The following PTP4A3 variants were observed in gnomAD, a reference collection of about 807,000 sequenced individuals.
The protein encoded by PTP4A3 is protein tyrosine phosphatase type IVA 3.
Under a neutral mutation model 15.2 loss-of-function variants are expected in PTP4A3, and 9 were observed. That is an observed-to-expected ratio of 0.59 (90% CI 0.36 to 1.03). PTP4A3 has a LOEUF of 1.03. Among genes scored for constraint, PTP4A3 ranks in the 50% least tolerant of loss-of-function variants. The pLI, the probability that PTP4A3 is intolerant of heterozygous loss-of-function variation, is 0.02. For synonymous variants in PTP4A3, 95 were observed against 102.0 expected (o/e 0.93, Z 0.41); for missense variants, 234 against 252.1 (o/e 0.93, Z 0.49).
intron 5 of PTP4A3, 57 bp downstream of exon 5, chr8:141,427,881 T>G: frequency 1.4e-6 from 2 of 1,480,520 alleles, no homozygotes; most frequent in Non-Finnish European, 1.8e-6. Context: ...GAGATCCGGC[T>G]GCCCACGAAG....
At chr8:141,427,975 G>A (rs1833664703) in intron 5 of PTP4A3, 151 bp downstream of exon 5, 2 of 798,768 alleles carry the variant, frequency 2.5e-6, no homozygotes, top group Non-Finnish European at 3.9e-6. Context: ...AAACGGGGAA[G>A]CCTGAGGTGT....
At chr8:141,392,619 C>T (rs1169703773) in intron 1 of PTP4A3, 1 of 151,196 alleles carries the variant, frequency 6.6e-6, no homozygotes, top group Non-Finnish European at 1.5e-5. Flanking sequence ...AGTGTTGGGA[C>T]TCGGGCGGCG....
intron 1 of PTP4A3, among the ~76,000 whole-genome samples, chr8:141,399,318 CTCCCCGTCCTGGG>C (rs1381976514): frequency 6.6e-6 from 1 of 152,252 alleles, no homozygotes; most frequent in East Asian, 1.9e-4. Context: ...CTCCTTTAAT[CTCCCCGTCCTGGG>C]TCAGCCGCAG....
chr8:141,418,613 C>A (rs1475496420), intron 1 of PTP4A3, among the ~76,000 whole-genome samples: 3 of 152,160 alleles, frequency 2.0e-5, no homozygotes, highest in East Asian at 3.9e-4. Context: ...GGGAAGGGTT[C>A]TGCAGGGCTT....
rs371449328 is a variant in PTP4A3, at chr8:141,398,924, T to C, written c.-854+6840T>C. Among the ~76,000 whole-genome samples the C allele has an allele frequency of 8.5e-5, 13 of 152,190 alleles. No homozygotes were observed. The East Asian group carries it at 2.1e-3, about 25-fold the overall frequency. ...GCCACGGAGACCTCGAAGCCAGGCC[T>C]GGCCCAGCTAGAGGAGGTGACGGGT... On this transcript the variant is annotated intron_variant, in intron 1 of 5. Transcript: ENST00000521578.
chr8:141,415,946 T>C (rs1833034746), intron 1 of PTP4A3, among the ~76,000 whole-genome samples: 1 of 151,890 alleles, frequency 6.6e-6, no homozygotes, highest in Admixed American at 6.5e-5. Context: ...ATGGGCGGAC[T>C]TGGGCCCGCT....
chr8:141,402,660 T>C (rs918129080), intron 1 of PTP4A3, among the ~76,000 whole-genome samples: 5 of 151,960 alleles, frequency 3.3e-5, no homozygotes, highest in Non-Finnish European at 5.9e-5. Context: ...GGATTGGCCC[T>C]TCCGCCTCTG....
intron 1 of PTP4A3, among the ~76,000 whole-genome samples, chr8:141,400,110 G>A (rs1459822789): frequency 6.6e-6 from 1 of 152,172 alleles, no homozygotes; most frequent in Non-Finnish European, 1.5e-5. Flanking sequence ...TGTTAGCCGG[G>A]CTGCTTCTCC....
At chr8:141,414,218 G>A (rs1290815323) in intron 1 of PTP4A3, among the ~76,000 whole-genome samples, 1 of 152,214 alleles carries the variant, frequency 6.6e-6, no homozygotes, top group Non-Finnish European at 1.5e-5. Flanking sequence ...AGTCCTGTCT[G>A]AGCCACCGAC....
chr8:141,424,196 G>A (rs754236490), intron 2 of PTP4A3, among the ~76,000 whole-genome samples: 1 of 152,148 alleles, frequency 6.6e-6, no homozygotes, highest in African/African-American at 2.4e-5. Flanking sequence ...TCCCTGTCCC[G>A]TGACCAGCAA....
chr8:141,410,287 C>T (rs62522496), intron 1 of PTP4A3, among the ~76,000 whole-genome samples: 2 of 152,232 alleles, frequency 1.3e-5, no homozygotes, highest in African/African-American at 2.4e-5. Context: ...CTGGAGTTGC[C>T]AAGGTGGGGT....
chr8:141,399,740 C>T (rs1158823896), intron 1 of PTP4A3, among the ~76,000 whole-genome samples: 1 of 152,222 alleles, frequency 6.6e-6, no homozygotes, highest in Admixed American at 6.5e-5. Flanking sequence ...TTACTCTCTT[C>T]CAGGCCTGTG....
intron 5 of PTP4A3, 49 bp downstream of exon 5, chr8:141,427,873 G>T: frequency 6.7e-7 from 1 of 1,500,942 alleles, no homozygotes; most frequent in Non-Finnish European, 9.0e-7. Flanking sequence ...GGGGAGGGGA[G>T]ATCCGGCTGC....
At chr8:141,427,913 G>T (rs1833659454) in intron 5 of PTP4A3, 89 bp downstream of exon 5, 2 of 1,257,126 alleles carry the variant, frequency 1.6e-6, no homozygotes, top group African/African-American at 1.5e-5. Flanking sequence ...TGGCTGTGTG[G>T]TTCCGTCGCT....
At chr8:141,402,342 G>A (rs567566472) in intron 1 of PTP4A3, among the ~76,000 whole-genome samples, 22 of 152,198 alleles carry the variant, frequency 1.4e-4, no homozygotes, top group Non-Finnish European at 3.2e-4. Flanking sequence ...AGATAACCCT[G>A]TAGGTCTGGA....
intron 1 of PTP4A3, among the ~76,000 whole-genome samples, chr8:141,417,495 C>T (rs1053009584): frequency 6.6e-6 from 1 of 152,138 alleles, no homozygotes. Flanking sequence ...GCCGCATTTC[C>T]ATTTCCAAAG....
At chr8:141,428,953 C>T (rs559074672) in intron 5 of PTP4A3, among the ~76,000 whole-genome samples, 57 of 152,346 alleles carry the variant, frequency 3.7e-4, no homozygotes, top group African/African-American at 1.3e-3. Context: ...ACACCTTCCC[C>T]GGGTTCTCTC....
In PTP4A3 at chr8:141,422,399, G is replaced by A. The variant is rs1054232230; in HGVS notation, c.105+54G>A. ...GGTGGCCCAGGTGTCTGGGAAGCCCGGCTGAGCTGCCCTCAGGCCTCGCAA... is the reference window on the plus strand; with the variant it reads ...GGTGGCCCAGGTGTCTGGGAAGCCCAGCTGAGCTGCCCTCAGGCCTCGCAA... On this transcript the variant is annotated intron_variant, in intron 2 of 5. Transcript: ENST00000521578. The A allele has an allele frequency of 1.4e-5, 22 of 1,598,002 alleles. No individual in the cohort carries two copies. The Admixed American group carries it at 2.5e-4, about 18-fold the overall frequency.
chr8:141,415,995 A>G (rs939452208), intron 1 of PTP4A3, among the ~76,000 whole-genome samples: 23 of 151,880 alleles, frequency 1.5e-4, no homozygotes, highest in African/African-American at 5.3e-4. Flanking sequence ...CTGGTTATAA[A>G]TAGACTTCTC....
Sources: allele counts gnomAD v4.1 joint callset (sites outside exome capture counted in the v4.1 genomes callset), GRCh38; gene constraint gnomAD v4.1.1; transcripts MANE v1.5; gene names NCBI Gene and HGNC (gene_info 2026-07-23, HGNC 2026-07-21).